The following DIP2C variants were observed in gnomAD, a reference collection of about 807,000 sequenced individuals.
DIP2C encodes the protein DIP2 acetate--CoA ligase C (putative).
A neutral mutation model predicts 192.4 loss-of-function variants in DIP2C; 33 were observed. That is an observed-to-expected ratio of 0.17 (90% CI 0.13 to 0.23). DIP2C has a LOEUF of 0.23. Among genes scored for constraint, DIP2C ranks in the 10% least tolerant of loss-of-function variants. The probability of loss-of-function intolerance (pLI) is 1.00; values close to 1 mark genes in which losing one functional copy is unlikely to be tolerated. For synonymous variants in DIP2C, 979 were observed against 864.1 expected, an observed-to-expected ratio of 1.13 and a Z score of -2.33; for missense variants, 1,537 against 2,110.1, an observed-to-expected ratio of 0.73 and a Z score of 5.32.
At chr10:635,785 G>C (rs1854795412) in intron 1 of DIP2C, among the ~76,000 whole-genome samples, 1 of 152,228 alleles carries the variant, frequency 6.6e-6, no homozygotes, top group African/African-American at 2.4e-5. Context: ...GGCGAGGGCA[G>C]AGGTGGCCAA....
chr10:633,750 T>C (rs1854668609), intron 1 of DIP2C, among the ~76,000 whole-genome samples: 1 of 152,186 alleles, frequency 6.6e-6, no homozygotes, highest in Non-Finnish European at 1.5e-5. Context: ...CTCCACCCAT[T>C]GAAGCACAAG....
intron 1 of DIP2C, among the ~76,000 whole-genome samples, chr10:502,988 C>A (rs1409873425): frequency 6.6e-6 from 1 of 150,652 alleles, no homozygotes; most frequent in Non-Finnish European, 1.5e-5. Context: ...GGCAGGACAC[C>A]GACCTGCAGA....
At chr10:488,022 TACAA>T (rs1240455151) in intron 1 of DIP2C, among the ~76,000 whole-genome samples, 3 of 152,370 alleles carry the variant, frequency 2.0e-5, no homozygotes, top group East Asian at 1.9e-4. Flanking sequence ...TAACCCGTTT[TACAA>T]ACAATGTCCA....
chr10:369,650 T>A lies in DIP2C; in HGVS notation c.1992-17A>T, dbSNP rs1960718550. 6.2e-7 allele frequency: 1 copy of A among 1,614,098 alleles called. No homozygotes were observed. The highest frequency in any genetic ancestry group is 1.3e-5 in the African/African-American group (1 of 75,042). On this transcript the variant is annotated splice_polypyrimidine_tract_variant and intron_variant, in intron 17 of 36. Transcript: ENST00000280886. ...TCCGTGGGCCTGTAATGACAGTTTT[T>A]AACTTGAATATGCAGGAGCAGATAA...
At chr10:665,341 T>C (rs946579225) in intron 1 of DIP2C, 2 of 152,158 alleles carry the variant, frequency 1.3e-5, no homozygotes. Context: ...AGGACATTGT[T>C]CTAGGTGGTG....
intron 28 of DIP2C, among the ~76,000 whole-genome samples, chr10:342,947 A>C (rs190766791): frequency 7.2e-5 from 11 of 152,344 alleles, no homozygotes; most frequent in Admixed American, 7.2e-4. Context: ...ACCTCAGAGG[A>C]AAAAGGAAGT....
chr10:390,502 C>T (rs1040413256), intron 11 of DIP2C, 129 bp from the exon 12 acceptor site: 8 of 1,092,202 alleles, frequency 7.3e-6, no homozygotes, highest in East Asian at 2.5e-5. Context: ...CCGGACTTCA[C>T]GAGATCTAAG....
intron 34 of DIP2C, among the ~76,000 whole-genome samples, chr10:284,957 T>G (rs989816748): frequency 2.0e-5 from 3 of 152,096 alleles, no homozygotes; most frequent in Non-Finnish European, 4.4e-5. Context: ...GGGAAGAGAA[T>G]TCTGACCCTG....
At chr10:622,213 T>TCCAGGAGG (rs1334732061) in intron 1 of DIP2C, among the ~76,000 whole-genome samples, 1 of 146,288 alleles carries the variant, frequency 6.8e-6, no homozygotes, top group East Asian at 2.1e-4. Context: ...AGCGGAAGAT[T>TCCAGGAGG]CCAGAAGTCT....
At chr10:398,995 C>T (rs903232267) in intron 10 of DIP2C, 114 bp downstream of exon 10, 10 of 884,762 alleles carry the variant, frequency 1.1e-5, no homozygotes, top group African/African-American at 6.7e-5. Flanking sequence ...TCGAGGCAAC[C>T]GAAGGAAACC....
At chr10:449,020 T>C (rs1265265823) in intron 3 of DIP2C, among the ~76,000 whole-genome samples, 4 of 88,580 alleles carry the variant, frequency 4.5e-5, no homozygotes, top group Admixed American at 1.1e-4. Flanking sequence ...CCACTCATCC[T>C]CATCTATACT....
chr10:311,422 C>T, intron 31 of DIP2C: 1 of 946,562 alleles, frequency 1.1e-6, no homozygotes. Context: ...ACAGGGCCTG[C>T]AGACCCCCGG....
At chr10:445,302 A>G (rs867092144) in intron 3 of DIP2C, among the ~76,000 whole-genome samples, 1 of 146,124 alleles carries the variant, frequency 6.8e-6, no homozygotes, top group Admixed American at 6.8e-5. Context: ...CTTGCACTGG[A>G]CATCTGTATA....
At chr10:382,578 C>T (rs1261542497) in intron 17 of DIP2C, 69 bp downstream of exon 17, 1 of 1,261,314 alleles carries the variant, frequency 7.9e-7, no homozygotes, top group Admixed American at 1.9e-5. Flanking sequence ...TTAGGATTTC[C>T]TGATCTCCCT....
intron 32 of DIP2C, among the ~76,000 whole-genome samples, chr10:290,685 G>A (rs535492640): frequency 2.0e-5 from 3 of 152,304 alleles, no homozygotes; most frequent in African/African-American, 4.8e-5. Flanking sequence ...GGTGAGAAAG[G>A]GGCACCTGGA....
chr10:437,366 GCT>G (rs372725140), intron 4 of DIP2C, among the ~76,000 whole-genome samples: 54 of 145,608 alleles, frequency 3.7e-4, no homozygotes, highest in African/African-American at 7.4e-4. Flanking sequence ...CCACACCTGA[GCT>G]CTGAGCTCCG....
intron 32 of DIP2C, 120 bp from the exon 33 acceptor site, chr10:288,541 C>A: frequency 9.6e-7 from 1 of 1,041,434 alleles, no homozygotes; most frequent in Non-Finnish European, 1.5e-6. Flanking sequence ...GAGCATCATC[C>A]AACAGCAAGG....
chr10:426,274 A>G (rs1690954747), intron 4 of DIP2C, among the ~76,000 whole-genome samples: 1 of 152,202 alleles, frequency 6.6e-6, no homozygotes, highest in Non-Finnish European at 1.5e-5. Context: ...ACACTCAGCC[A>G]AACTTCTAAC....
chr10:518,387 T>TA (rs1449545642), intron 1 of DIP2C, among the ~76,000 whole-genome samples: 1 of 152,250 alleles, frequency 6.6e-6, no homozygotes, highest in Non-Finnish European at 1.5e-5. Context: ...CCCTGATGTG[T>TA]ACGCACTTGC....
Sources: allele counts gnomAD v4.1 joint callset (sites outside exome capture counted in the v4.1 genomes callset), GRCh38; gene constraint gnomAD v4.1.1; transcripts MANE v1.5; gene names NCBI Gene and HGNC (gene_info 2026-07-23, HGNC 2026-07-21).